The following RTN1 variants were observed in gnomAD, a reference collection of about 807,000 sequenced individuals.
The protein encoded by RTN1 is reticulon 1, also known as reticulon-1.
A neutral mutation model predicts 65.5 loss-of-function variants in RTN1; 25 were observed. That is an observed-to-expected ratio of 0.38 (90% CI 0.28 to 0.53). The LOEUF (loss-of-function observed/expected upper bound fraction) is 0.53, where lower values mean the gene tolerates loss of function less well. Ranked by LOEUF, RTN1 falls within the 20% of genes least tolerant of loss-of-function variation. RTN1 has a pLI of 0.79. For missense variants in RTN1, 983 were observed against 1,025.4 expected, an observed-to-expected ratio of 0.96 and a Z score of 0.57; for synonymous variants, 471 against 447.6, an observed-to-expected ratio of 1.05 and a Z score of -0.66.
intron 3 of RTN1, among the ~76,000 whole-genome samples, chr14:59,665,747 A>G (rs1390929612): frequency 6.6e-6 from 1 of 152,146 alleles, no homozygotes; most frequent in Non-Finnish European, 1.5e-5. Context: ...ATGGAGGAAG[A>G]CCTACCAAGC....
At chr14:59,716,197 C>T (rs1045762561) in intron 3 of RTN1, among the ~76,000 whole-genome samples, 1 of 152,172 alleles carries the variant, frequency 6.6e-6, no homozygotes, top group African/African-American at 2.4e-5. Context: ...GAACATTTAG[C>T]TTTGCTTGTA....
chr14:59,834,456 A>G (rs922406257), intron 1 of RTN1, among the ~76,000 whole-genome samples: 8 of 152,216 alleles, frequency 5.3e-5, no homozygotes, highest in African/African-American at 1.9e-4. Context: ...TTTGAAAATC[A>G]TATACCTGAT....
rs1198790209 is a variant in RTN1 at position 59,846,398 on chromosome 14, G to C, written c.241+23992C>G. 9.9e-5 allele frequency among the ~76,000 whole-genome samples: 15 copies of C among 152,088 alleles called. No individual in the cohort carries two copies. Among genetic ancestry groups the C allele is most frequent in the Non-Finnish European group, 2.2e-4 (15 of 68,018 alleles). Reference sequence around the variant, plus strand: ...CTGTGCAGCCACAGCCCATGGATCAGAGTTGATGTATGCACACGTGTGTAC... The same window carrying C: ...CTGTGCAGCCACAGCCCATGGATCACAGTTGATGTATGCACACGTGTGTAC... On this transcript the variant is annotated intron_variant, in intron 1 of 8. Coordinates refer to ENST00000267484, the MANE Select transcript of RTN1 (RefSeq NM_021136.3). The surrounding 1 kb of genome is among the most constrained non-coding windows in gnomAD (Gnocchi z 4.8).
intron 3 of RTN1, among the ~76,000 whole-genome samples, chr14:59,664,706 T>C (rs558216129): frequency 6.6e-6 from 1 of 152,324 alleles, no homozygotes; most frequent in South Asian, 2.1e-4. Context: ...ATTTATTTTT[T>C]TCTGAGTAAC....
intron 1 of RTN1, among the ~76,000 whole-genome samples, chr14:59,819,827 A>G (rs149416855): frequency 0.024 from 3,693 of 152,148 alleles, 142 homozygotes; most frequent in African/African-American, 0.084. Flanking sequence ...TAAGCCCCTC[A>G]CTGCCTGGGC....
chr14:59,599,776 A>G (rs1007152384), intron 8 of RTN1, among the ~76,000 whole-genome samples: 5 of 152,198 alleles, frequency 3.3e-5, no homozygotes, highest in African/African-American at 9.7e-5. Context: ...CCTTCAGTTT[A>G]TCAAATATAA....
chr14:59,662,154 T>G lies in RTN1; in HGVS notation c.1766-54662A>C, dbSNP rs1883262556. Among the ~76,000 whole-genome samples, 2 of 142,178 alleles carry G rather than the reference T, an allele frequency of 1.4e-5. 1 individual carries two copies. The highest frequency in any genetic ancestry group is 4.2e-4 in the South Asian group (2 of 4,774). 93.3% of individuals were successfully genotyped at this position (142,178 alleles called of 152,430 possible). On this transcript the variant is annotated intron_variant, in intron 3 of 8. Transcript: ENST00000267484. ...TTACATTTTGGAGTGAAATCCAGCT[T>G]TCTTTTTTCTTTTTTTTTTATTATA...
In RTN1 at chr14:59,870,667, C is replaced by T; in HGVS notation, c.-37G>A. ...CCCCGGCGCGGCGACGGCGGCTTGG[C>T]TGGGCAGAGGCTCGGTGGCTGCGCG... On this transcript the variant is annotated 5_prime_UTR_variant, in exon 1 of 9. Transcript: ENST00000267484. The surrounding 1 kb of genome is among the most constrained non-coding windows in gnomAD (Gnocchi z 5.1). The T allele has an allele frequency of 7.4e-7, 1 of 1,344,522 alleles. No individual in the cohort carries two copies. Among genetic ancestry groups the T allele is most frequent in the Non-Finnish European group, 9.5e-7 (1 of 1,056,270 alleles). 83.3% of individuals were successfully genotyped at this position (1,344,522 alleles called of 1,614,324 possible).
At chr14:59,716,812 A>G (rs946277355) in intron 3 of RTN1, among the ~76,000 whole-genome samples, 5 of 151,726 alleles carry the variant, frequency 3.3e-5, no homozygotes, top group African/African-American at 9.7e-5. Context: ...ACAAAAAAAA[A>G]AAAAAATTAG....
At chr14:59,777,112 T>C (rs1395912838) in intron 1 of RTN1, among the ~76,000 whole-genome samples, 1 of 152,168 alleles carries the variant, frequency 6.6e-6, no homozygotes, top group Non-Finnish European at 1.5e-5. Context: ...GAAATCTCAG[T>C]AATAAAATTC....
intron 3 of RTN1, among the ~76,000 whole-genome samples, chr14:59,636,242 A>T (rs1297402632): frequency 6.6e-6 from 1 of 152,114 alleles, no homozygotes; most frequent in Admixed American, 6.5e-5. Flanking sequence ...AGGTGATTGG[A>T]TCATGGAGGT....
intron 3 of RTN1, chr14:59,630,475 T>A (rs750769973): frequency 1.9e-6 from 3 of 1,613,788 alleles, no homozygotes; most frequent in Non-Finnish European, 2.5e-6. Context: ...CCACACACAG[T>A]CCATCTTGGT....
chr14:59,768,721 C>T (rs569106789), intron 1 of RTN1, among the ~76,000 whole-genome samples: 1 of 148,986 alleles, frequency 6.7e-6, no homozygotes, highest in South Asian at 2.1e-4. Flanking sequence ...ATGTGTCTCG[C>T]TGTTAAAAAA....
At chr14:59,706,825 C>T (rs888259410) in intron 3 of RTN1, among the ~76,000 whole-genome samples, 7 of 152,208 alleles carry the variant, frequency 4.6e-5, no homozygotes, top group African/African-American at 1.7e-4. Flanking sequence ...TCTCCCTCCT[C>T]TGAAATCCAA....
intron 3 of RTN1, among the ~76,000 whole-genome samples, chr14:59,693,250 T>A (rs903233024): frequency 1.3e-5 from 2 of 152,226 alleles, no homozygotes; most frequent in Admixed American, 6.5e-5. Flanking sequence ...AAAACAAAGA[T>A]AACTTTTTGC....
At chr14:59,652,289 TA>T (rs1449525970) in intron 3 of RTN1, among the ~76,000 whole-genome samples, 1 of 152,196 alleles carries the variant, frequency 6.6e-6, no homozygotes, top group African/African-American at 2.4e-5. Flanking sequence ...CTCAAAGAGC[TA>T]AAAACAACTA....
chr14:59,723,498 TC>T (rs1884692143), intron 3 of RTN1, among the ~76,000 whole-genome samples: 1 of 151,174 alleles, frequency 6.6e-6, no homozygotes, highest in Non-Finnish European at 1.5e-5. Flanking sequence ...GCGCCTGTAG[TC>T]CCAGCTACTC....
intron 3 of RTN1, among the ~76,000 whole-genome samples, chr14:59,669,353 G>C (rs948795328): frequency 6.6e-6 from 1 of 151,932 alleles, no homozygotes. Flanking sequence ...ATTATCACAA[G>C]GACAGAAAAT....
chr14:59,829,984 C>T lies in RTN1; in HGVS notation c.241+40406G>A, dbSNP rs1264756617. Among the ~76,000 whole-genome samples, 1 of 152,114 alleles carries T rather than the reference C, an allele frequency of 6.6e-6. No individual in the cohort carries two copies. Among genetic ancestry groups the T allele is most frequent in the African/African-American group, 2.4e-5 (1 of 41,406 alleles). ...AGAGTTTTTTATTTTAAAAAAATAG[C>T]ATGTATTTTTGGGTTTAGTCTTGTG... On this transcript the variant is annotated intron_variant, in intron 1 of 8. Coordinates refer to ENST00000267484, the MANE Select transcript of RTN1 (RefSeq NM_021136.3). The surrounding 1 kb of genome is among the most constrained non-coding windows in gnomAD (Gnocchi z 4.3).
Sources: gnomAD v4.1 joint callset for allele counts (sites outside exome capture counted in the v4.1 genomes callset) on GRCh38, gnomAD v4.1.1 for gene constraint, Gnocchi (gnomAD v3.1) non-coding constraint, MANE v1.5 for transcripts, NCBI Gene and HGNC (gene_info 2026-07-23, HGNC 2026-07-21) for gene names.